Variants in DISC1 observed in about 807,000 individuals in gnomAD.
DISC1 encodes the protein DISC1 scaffold protein, also known as disrupted in schizophrenia 1 protein.
DISC1 carries 57 observed loss-of-function variants against 84.5 expected under a neutral mutation model. That is an observed-to-expected ratio of 0.67 (90% CI 0.55 to 0.84). The LOEUF (loss-of-function observed/expected upper bound fraction) is 0.84, where lower values mean the gene tolerates loss of function less well. Among genes scored for constraint, DISC1 ranks in the 40% least tolerant of loss-of-function variants. The pLI is 0.00. For synonymous variants in DISC1, 411 were observed against 415.2 expected, an observed-to-expected ratio of 0.99 and a Z score of 0.12; for missense variants, 1,000 against 1,057.8, an observed-to-expected ratio of 0.95 and a Z score of 0.76.
chr1:231,706,647 A>T (rs1157715477), intron 3 of DISC1, among the ~76,000 whole-genome samples: 2 of 152,246 alleles, frequency 1.3e-5, no homozygotes, highest in African/African-American at 4.8e-5. Context: ...AGTAGCCAGC[A>T]TCATATTACT....
chr1:231,907,966 A>G (rs897184774), intron 9 of DISC1, among the ~76,000 whole-genome samples: 2 of 152,188 alleles, frequency 1.3e-5, no homozygotes, highest in Non-Finnish European at 2.9e-5. Flanking sequence ...GGCTGCATAA[A>G]TGTCTTCTTT....
At chr1:231,687,814 T>C (rs1369282731) in intron 1 of DISC1, among the ~76,000 whole-genome samples, 2 of 152,206 alleles carry the variant, frequency 1.3e-5, no homozygotes, top group Middle Eastern at 3.2e-3. Flanking sequence ...ATGGGTACCA[T>C]GTTTCAGTTT....
At chr1:231,722,743 C>T in intron 3 of DISC1, 3 of 1,524,860 alleles carry the variant, frequency 2.0e-6, no homozygotes, top group Non-Finnish European at 8.8e-7. Context: ...CATCATATTC[C>T]TCTCCCTTTT....
At chr1:232,017,923 A>G (rs1432166558) in intron 11 of DISC1, among the ~76,000 whole-genome samples, 12 of 152,238 alleles carry the variant, frequency 7.9e-5, no homozygotes, top group Admixed American at 7.9e-4. Flanking sequence ...AACTCTTGAC[A>G]GCATTTTAAG....
At chr1:231,999,850 ACAAC>A (rs1185089401) in intron 10 of DISC1, among the ~76,000 whole-genome samples, 3 of 152,260 alleles carry the variant, frequency 2.0e-5, no homozygotes, top group Admixed American at 2.0e-4. Flanking sequence ...CAACAACAAA[ACAAC>A]CAACTCCAAA....
At chr1:231,785,251 G>T (rs368226285) in intron 6 of DISC1, among the ~76,000 whole-genome samples, 1 of 103,350 alleles carries the variant, frequency 9.7e-6, no homozygotes, top group East Asian at 2.9e-4. Flanking sequence ...GTGTGTGTGT[G>T]TGTTATTTTA....
intron 3 of DISC1, among the ~76,000 whole-genome samples, chr1:231,729,012 G>GC (rs1558437089): frequency 6.6e-6 from 1 of 151,938 alleles, no homozygotes; most frequent in African/African-American, 2.4e-5. Context: ...CCCAAAACAG[G>GC]CCTGGTGTGT....
intron 9 of DISC1, among the ~76,000 whole-genome samples, chr1:231,843,405 A>G (rs2083224466): frequency 6.6e-6 from 1 of 152,038 alleles, no homozygotes; most frequent in Non-Finnish European, 1.5e-5. Flanking sequence ...GAGCAATAGG[A>G]GGCACTTGGA....
chr1:231,976,629 T>C (rs886514531), intron 10 of DISC1, among the ~76,000 whole-genome samples: 18 of 152,214 alleles, frequency 1.2e-4, no homozygotes, highest in African/African-American at 4.1e-4. Context: ...TTTCCTGGGA[T>C]AGAGCTTTTA....
At chr1:232,025,060 A>G (rs199744823) in intron 11 of DISC1, among the ~76,000 whole-genome samples, 1 of 152,122 alleles carries the variant, frequency 6.6e-6, no homozygotes, top group Non-Finnish European at 1.5e-5. Context: ...GTTTTCCTTT[A>G]CAAGTCTGTG....
At chr1:231,855,478 C>T (rs2084203743) in intron 9 of DISC1, 1 of 954,482 alleles carries the variant, frequency 1.0e-6, no homozygotes, top group Non-Finnish European at 1.2e-6. Flanking sequence ...AAATAACAAT[C>T]CTCCTTCCCA....
chr1:231,898,984 A>C (rs145010696), intron 9 of DISC1, among the ~76,000 whole-genome samples: 2 of 144,706 alleles, frequency 1.4e-5, no homozygotes, highest in Non-Finnish European at 3.0e-5. Flanking sequence ...CACAAAAAAC[A>C]AAAAAAAAAG....
At chr1:232,017,129 C>T (rs1305788406) in intron 11 of DISC1, among the ~76,000 whole-genome samples, 1 of 152,126 alleles carries the variant, frequency 6.6e-6, no homozygotes, top group Admixed American at 6.5e-5. Context: ...AAAACCATAT[C>T]GCATTCCTGA....
intron 3 of DISC1, among the ~76,000 whole-genome samples, chr1:231,712,808 TAACA>T (rs1379818125): frequency 1.3e-5 from 2 of 152,216 alleles, no homozygotes. Context: ...CAAAGTGAGC[TAACA>T]AACTGCAAAA....
Position 231,795,291 on chromosome 1 carries a change from A to G in DISC1, c.1684A>G (p.Thr562Ala), listed in dbSNP as rs1456743930. ...CAACTTGTCACTTAAAGAAATCACT[A>G]CTAAGGTAAGTACCTTTATATTCCC... ...SLNLSLKEIT[T>A]KVCMSEKFCS... The change falls in exon 7 of 13, where the codon ACT becomes GCT. Residue 562 changes from threonine (T) to alanine (A), a missense_variant. Transcript: ENST00000439617. 4 of 1,612,956 alleles carry G rather than the reference A, an allele frequency of 2.5e-6. No homozygotes were observed. In the Admixed American group the frequency reaches 6.7e-5, roughly 27 times the overall value.
At chr1:231,636,751 G>T (rs772252607) in intron 1 of DISC1, among the ~76,000 whole-genome samples, 5 of 152,008 alleles carry the variant, frequency 3.3e-5, no homozygotes, top group Non-Finnish European at 7.4e-5. Context: ...GCTAATCTTG[G>T]TATGAATTTA....
At chr1:231,741,518 A>G (rs2073271991) in intron 3 of DISC1, among the ~76,000 whole-genome samples, 3 of 152,234 alleles carry the variant, frequency 2.0e-5, no homozygotes, top group Admixed American at 2.0e-4. Context: ...AGGTCACTAT[A>G]CAATGACCAA....
intron 9 of DISC1, among the ~76,000 whole-genome samples, chr1:231,835,527 CA>C (rs1398428508): frequency 1.3e-5 from 2 of 152,182 alleles, no homozygotes; most frequent in African/African-American, 2.4e-5. Flanking sequence ...AAGGCAGGAA[CA>C]GGCCATTTTC....
At chr1:231,986,785 G>A (rs1572500556) in intron 10 of DISC1, among the ~76,000 whole-genome samples, 1 of 152,286 alleles carries the variant, frequency 6.6e-6, no homozygotes, top group East Asian at 1.9e-4. Context: ...ACAGTGCAGT[G>A]GGATTGAATA....
Sources: allele counts gnomAD v4.1 joint callset (sites outside exome capture counted in the v4.1 genomes callset), GRCh38; gene constraint gnomAD v4.1.1; transcripts MANE v1.5; gene names NCBI Gene and HGNC (gene_info 2026-07-23, HGNC 2026-07-21).